Variants in RAB11FIP1 observed in about 807,000 individuals in gnomAD.
RAB11FIP1 encodes RAB11 family interacting protein 1.
In RAB11FIP1, 49 loss-of-function variants were observed where a neutral mutation model predicts 83.1. The ratio of observed to expected loss-of-function variants is 0.59; its 90% CI spans 0.47 to 0.75. The LOEUF is 0.75. Among genes scored for constraint, RAB11FIP1 ranks in the 30% least tolerant of loss-of-function variants. The pLI, the probability that RAB11FIP1 is intolerant of heterozygous loss-of-function variation, is 0.00. For missense variants in RAB11FIP1, 1,536 were observed against 1,598.7 expected, an observed-to-expected ratio of 0.96 and a Z score of 0.67; for synonymous variants, 670 against 656.0, an observed-to-expected ratio of 1.02 and a Z score of -0.33.
At chr8:37,877,700 A>G in intron 1 of RAB11FIP1, 149 bp from the exon 2 acceptor site, 3 of 420,298 alleles carry the variant, frequency 7.1e-6, no homozygotes, top group Non-Finnish European at 1.3e-5. Flanking sequence ...GTGGTAGATG[A>G]GAGCAGAATT....
intron 1 of RAB11FIP1, 157 bp from the exon 2 acceptor site, chr8:37,877,708 ATTTTTTTTT>A (rs59670170): frequency 2.5e-4 from 53 of 211,110 alleles, no homozygotes; most frequent in Middle Eastern, 1.7e-3. Context: ...TGAGAGCAGA[ATTTTTTTTT>A]TTTTTTTTTT....
intron 1 of RAB11FIP1, among the ~76,000 whole-genome samples, chr8:37,889,698 G>C (rs1291251009): frequency 6.6e-6 from 1 of 152,144 alleles, no homozygotes; most frequent in African/African-American, 2.4e-5. Flanking sequence ...CATACTTCTT[G>C]CCATGAGAGT....
chr8:37,896,847 G>T (rs1807099333), intron 1 of RAB11FIP1, among the ~76,000 whole-genome samples: 1 of 152,172 alleles, frequency 6.6e-6, no homozygotes, highest in Non-Finnish European at 1.5e-5. Context: ...ATGAGTCAGG[G>T]CTGCTGTGGG....
At chr8:37,876,301 G>A (rs1585436286) in intron 2 of RAB11FIP1, among the ~76,000 whole-genome samples, 1 of 152,034 alleles carries the variant, frequency 6.6e-6, no homozygotes, top group East Asian at 2.0e-4. Context: ...TAGAAATAGA[G>A]AGGGCATCTC....
intron 5 of RAB11FIP1, among the ~76,000 whole-genome samples, chr8:37,865,776 A>G (rs549316337): frequency 6.6e-5 from 10 of 152,338 alleles, no homozygotes; most frequent in African/African-American, 1.9e-4. Flanking sequence ...TATTTTAACT[A>G]TTCCTCTATT....
rs1330991043 is a variant in RAB11FIP1, at chr8:37,872,954, A to G, written c.1848T>C (p.Pro616=). Reference sequence around the variant, plus strand: ...ACTTGGCCTGGCCCCTGTCTACGAGAGGCCAGCTTTCAATTGGAGTGGATG... The same window carrying G: ...ACTTGGCCTGGCCCCTGTCTACGAGGGGCCAGCTTTCAATTGGAGTGGATG... ...ISTSTPIESW[P]LVDRGQAKSE... is the part of the protein sequence containing the mutation. The change falls in exon 4 of 6, where the codon CCT becomes CCC. Residue 616 remains proline (P), a synonymous_variant. Coordinates refer to ENST00000330843, the MANE Select transcript of RAB11FIP1 (RefSeq NM_001002814.3). 6.2e-7 allele frequency: 1 copy of G among 1,614,186 alleles called. No individual in the cohort carries two copies. Among genetic ancestry groups the G allele is most frequent in the East Asian group, 2.2e-5 (1 of 44,882 alleles).
Position 37,873,158 on chromosome 8 carries a change from C to A in RAB11FIP1, c.1644G>T (p.Ala548=), listed in dbSNP as rs765822767. The part of the protein sequence containing the change: ...VKPRLEVSPE[A]QPTARLPSPT... The stretch of plus-strand genomic sequence containing the variant: ...GGGAAGGAAGCCTGGCTGTGGGTTG[C>A]GCCTCTGGAGACACTTCCAGTCTGC... Residue 548 remains alanine (A), a synonymous_variant, in exon 4 of 6, where the codon GCG becomes GCT. Coordinates refer to ENST00000330843, the MANE Select transcript of RAB11FIP1 (RefSeq NM_001002814.3). The A allele has an allele frequency of 1.2e-6, 2 of 1,602,840 alleles. No homozygotes were observed. The highest frequency in any genetic ancestry group is 1.7e-6 in the Non-Finnish European group (2 of 1,177,278).
chr8:37,880,330 G>A (rs1451870225), intron 1 of RAB11FIP1, among the ~76,000 whole-genome samples: 10 of 151,894 alleles, frequency 6.6e-5, no homozygotes, highest in African/African-American at 2.4e-4. Flanking sequence ...ACAGAGTCTC[G>A]CTCTGTCCCC....
intron 2 of RAB11FIP1, among the ~76,000 whole-genome samples, chr8:37,876,227 A>T (rs1806605574): frequency 1.5e-5 from 2 of 136,152 alleles, no homozygotes; most frequent in Admixed American, 1.4e-4. Flanking sequence ...GGAAGGAAGG[A>T]AGGAAGGAAG....
intron 5 of RAB11FIP1, among the ~76,000 whole-genome samples, chr8:37,866,437 T>A (rs978645757): frequency 2.6e-5 from 4 of 152,122 alleles, no homozygotes; most frequent in Non-Finnish European, 2.9e-5. Flanking sequence ...CAAGAAAGAA[T>A]GGTGCCCATT....
Position 37,899,447 on chromosome 8 carries a change from C to A in RAB11FIP1, c.-6G>T, listed in dbSNP as rs1807174042. ...GCCGAGACCATTAGGGACATGGTGA[C>A]GATAACACTCCAGAAGCGAGGAGAA... On this transcript the variant is annotated 5_prime_UTR_variant, in exon 1 of 6. Coordinates refer to ENST00000330843, the MANE Select transcript of RAB11FIP1 (RefSeq NM_001002814.3). The surrounding 1 kb of genome is among the most constrained non-coding windows in gnomAD (Gnocchi z 4.5). 2 of 1,536,274 alleles carry A rather than the reference C, an allele frequency of 1.3e-6. No homozygotes were observed. Among genetic ancestry groups the A allele is most frequent in the East Asian group, 4.7e-5 (2 of 42,392 alleles).
In RAB11FIP1 at chr8:37,860,266, A is replaced by G. The variant is rs1806209011; in HGVS notation, c.*2629T>C. 6.5e-6 allele frequency: 1 copy of G among 152,714 alleles called. No homozygotes were observed. Among genetic ancestry groups the G allele is most frequent in the Non-Finnish European group, 1.5e-5 (1 of 68,056 alleles). 9.5% of individuals were successfully genotyped at this position (152,714 alleles called of 1,614,324 possible). The stretch of plus-strand genomic sequence containing the variant: ...ATAGAGCACACCTGCCCCCCAGGGC[A>G]CTTGGACTATCACAGTAAAAATACA... On this transcript the variant is annotated 3_prime_UTR_variant, in exon 6 of 6. Transcript: ENST00000330843.
At position 37,899,478 on chromosome 8, in the gene RAB11FIP1, C is replaced by T. The variant is rs1807175155; in HGVS notation, c.-37G>A. On this transcript the variant is annotated 5_prime_UTR_variant, in exon 1 of 6. Coordinates refer to ENST00000330843, the MANE Select transcript of RAB11FIP1 (RefSeq NM_001002814.3). The surrounding 1 kb of genome is among the most constrained non-coding windows in gnomAD (Gnocchi z 4.5). ...CACTCCAGAAGCGAGGAGAAGATCG[C>T]CGCGACTGGCGGCCTCCACGGCCCG... 6.7e-7 allele frequency: 1 copy of T among 1,485,732 alleles called. No individual in the cohort carries two copies. The highest frequency in any genetic ancestry group is 1.8e-4 in the Middle Eastern group (1 of 5,508). 92.0% of individuals were successfully genotyped at this position (1,485,732 alleles called of 1,614,324 possible). A position where few individuals can be genotyped will look rare whatever the true frequency, so the allele number is the denominator to read the frequency against.
In RAB11FIP1 at chr8:37,870,482, T is replaced by TA; in HGVS notation, c.3570dup (p.Asn1191Ter). On this transcript the variant is annotated frameshift_variant, in exon 5 of 6. Transcript: ENST00000330843. LOFTEE classifies it high-confidence loss of function. ...ATGGTGGCAGTTCCCAAGCTGCAGTTAGCAACCTTGGTGGCCATTGCATTC... is the reference window on the plus strand; with the variant it reads ...ATGGTGGCAGTTCCCAAGCTGCAGTTAAGCAACCTTGGTGGCCATTGCATTC... The TA allele has an allele frequency of 6.2e-7, 1 of 1,611,554 alleles. No individual in the cohort carries two copies. Among genetic ancestry groups the TA allele is most frequent in the Non-Finnish European group, 8.5e-7 (1 of 1,177,912 alleles).
chr8:37,882,845 G>A (rs932741282), intron 1 of RAB11FIP1, among the ~76,000 whole-genome samples: 1 of 152,128 alleles, frequency 6.6e-6, no homozygotes, highest in Non-Finnish European at 1.5e-5. Flanking sequence ...ACCGATTCCA[G>A]AATCCTCCCT....
At chr8:37,882,338 GATA>G (rs1806747999) in intron 1 of RAB11FIP1, among the ~76,000 whole-genome samples, 1 of 152,214 alleles carries the variant, frequency 6.6e-6, no homozygotes, top group Non-Finnish European at 1.5e-5. Flanking sequence ...GGAACAGATG[GATA>G]ATGTTTACCA....
Position 37,861,580 on chromosome 8 carries a change from TA to T in RAB11FIP1, c.*1314del. 4.5e-6 allele frequency: 2 copies of T among 444,890 alleles called. No individual in the cohort carries two copies. Among genetic ancestry groups the T allele is most frequent in the Admixed American group, 2.5e-5 (1 of 39,260 alleles). 27.6% of individuals were successfully genotyped at this position (444,890 alleles called of 1,614,324 possible). A position where few individuals can be genotyped will look rare whatever the true frequency, so the allele number is the denominator to read the frequency against. On this transcript the variant is annotated 3_prime_UTR_variant, in exon 6 of 6. Coordinates refer to ENST00000330843, the MANE Select transcript of RAB11FIP1 (RefSeq NM_001002814.3). ...TTTAGTTTTTTTTAAGACAGAGTCTTAAAAAAATTGCCCAGGCTCTTTTTTT... is the reference window on the plus strand; with the variant it reads ...TTTAGTTTTTTTTAAGACAGAGTCTTAAAAAATTGCCCAGGCTCTTTTTTT...
chr8:37,885,431 A>G (rs957174849), intron 1 of RAB11FIP1, among the ~76,000 whole-genome samples: 1 of 152,068 alleles, frequency 6.6e-6, no homozygotes, highest in Non-Finnish European at 1.5e-5. Context: ...GACAACCACT[A>G]TTATCAGTTT....
intron 5 of RAB11FIP1, among the ~76,000 whole-genome samples, chr8:37,864,357 T>A (rs1181881555): frequency 6.6e-6 from 1 of 152,196 alleles, no homozygotes; most frequent in East Asian, 1.9e-4. Flanking sequence ...GAAAAAAAAG[T>A]GACTTTTCCT....
Sources: gnomAD v4.1 joint callset for allele counts (sites outside exome capture counted in the v4.1 genomes callset) on GRCh38, gnomAD v4.1.1 for gene constraint, Gnocchi (gnomAD v3.1) non-coding constraint, MANE v1.5 for transcripts, NCBI Gene and HGNC (gene_info 2026-07-23, HGNC 2026-07-21) for gene names.